Variants in GINM1 observed in about 807,000 individuals in gnomAD.
GINM1 encodes the protein glycoprotein integral membrane protein 1.
A neutral mutation model predicts 37.8 loss-of-function variants in GINM1; 29 were observed. The observed-to-expected ratio is 0.77, with a 90% CI of 0.57 to 1.05. The LOEUF (loss-of-function observed/expected upper bound fraction) is 1.05. Ranked by LOEUF, GINM1 falls within the 50% of genes least tolerant of loss-of-function variation. The probability of loss-of-function intolerance (pLI) is 0.00; values close to 1 mark genes in which losing one functional copy is unlikely to be tolerated. For missense variants in GINM1, 377 were observed against 397.9 expected (o/e 0.95, Z 0.45); for synonymous variants, 143 against 146.2 (o/e 0.98, Z 0.16).
In GINM1 at chr6:149,566,794, G is replaced by C. The variant is rs1207655205; in HGVS notation, c.120+260G>C. Among the ~76,000 whole-genome samples, 3 of 152,380 alleles carry C rather than the reference G, an allele frequency of 2.0e-5. No homozygotes were observed. Among genetic ancestry groups the C allele is most frequent in the African/African-American group, 7.2e-5 (3 of 41,602 alleles). ...ACCGACTCTCCGGCGGCCCAAGCCG[G>C]CGCGCGACCTGACGGGGCTTTGCCG... On this transcript the variant is annotated intron_variant, in intron 1 of 7. Coordinates refer to ENST00000367419, the MANE Select transcript of GINM1 (RefSeq NM_138785.5). This position sits in a 1 kb window ranked among gnomAD's most constrained non-coding sequence, Gnocchi z 4.4.
rs1414014199 is a variant in GINM1, at chr6:149,574,209, C to A, written c.277+1606C>A. Among the ~76,000 whole-genome samples, 3 of 152,082 alleles carry A rather than the reference C, an allele frequency of 2.0e-5. No homozygotes were observed. The East Asian group carries it at 5.8e-4, about 29-fold the overall frequency. On this transcript the variant is annotated intron_variant, in intron 3 of 7. Transcript: ENST00000367419. ...TGGATTACAGGTGCCCGCCACCATG[C>A]CCGGCTAATTTTTGTATTTTTAGTA...
chr6:149,583,905 C>T, intron 7 of GINM1, among the ~76,000 whole-genome samples: 1 of 151,958 alleles, frequency 6.6e-6, no homozygotes, highest in East Asian at 1.9e-4. Context: ...ATTTTTTAGT[C>T]AAAAATTATA....
At chr6:149,587,669 C>T (rs552609498) in intron 7 of GINM1, among the ~76,000 whole-genome samples, 1 of 152,308 alleles carries the variant, frequency 6.6e-6, no homozygotes, top group South Asian at 2.1e-4. Flanking sequence ...AGGTCCCATA[C>T]CTCTGTGTGT....
rs1777715402 is a variant in GINM1 at position 149,566,386 on chromosome 6, G to A, written c.-29G>A. On this transcript the variant is annotated 5_prime_UTR_variant, in exon 1 of 8. Transcript: ENST00000367419. The surrounding 1 kb of genome is among the most constrained non-coding windows in gnomAD (Gnocchi z 4.4). ...CCGGCTCCGCCCTCACCTCCCGGCC[G>A]CGGCTGCCCTCTGCCCGGGTTGTCC... is the stretch of plus-strand genomic sequence containing the variant. 1.4e-6 allele frequency: 2 copies of A among 1,426,930 alleles called. No homozygotes were observed. The highest frequency in any genetic ancestry group is 1.8e-6 in the Non-Finnish European group (2 of 1,086,382). The allele number at this position is 1,426,930 out of a possible 1,614,324, so 88.4% of individuals were successfully genotyped here. A position where few individuals can be genotyped will look rare whatever the true frequency, so the allele number is the denominator to read the frequency against.
At chr6:149,570,336 T>C (rs9505829) in intron 1 of GINM1, among the ~76,000 whole-genome samples, 13,560 of 151,460 alleles carry the variant, frequency 0.09, 2,095 homozygotes, top group African/African-American at 0.31. Flanking sequence ...ATTCTCTAGT[T>C]TGCAAAGGAG....
rs1433413325 is a variant in GINM1 at position 149,590,828 on chromosome 6, C to G, written c.983C>G (p.Thr328Arg). Residue 328 changes from threonine (T) to arginine (R), a missense_variant, in exon 8 of 8, where the codon ACA (threonine) becomes AGA (arginine). By Grantham distance (71) the Thr-to-Arg change is moderately conservative. Transcript: ENST00000367419. ...EKRAENLEDK[T>R]CI ...AGAGCTGAAAACCTTGAAGATAAAA[C>G]ATGTATTTAAAACGCCATCTCATAT... is the stretch of plus-strand genomic sequence containing the variant. 1.3e-6 allele frequency: 2 copies of G among 1,543,550 alleles called. No homozygotes were observed. The highest frequency in any genetic ancestry group is 4.5e-5 in the East Asian group (2 of 44,574).
Position 149,580,665 on chromosome 6 carries a change from T to A in GINM1, c.659T>A (p.Val220Asp). Reference sequence around the variant, plus strand: ...GTGGAAACCACTGTAGATGAAGATGTTTTACCTGGCAAGTTACCTGAAACT... The same window carrying A: ...GTGGAAACCACTGTAGATGAAGATGATTTACCTGGCAAGTTACCTGAAACT... Reference protein sequence around the residue: ...RNVETTVDEDVLPGKLPETPL... With the variant: ...RNVETTVDEDDLPGKLPETPL... The change falls in exon 6 of 8, where the codon GTT becomes GAT. Residue 220 changes from valine to aspartate, a missense_variant. Transcript: ENST00000367419. 1.2e-6 allele frequency: 2 copies of A among 1,613,776 alleles called. No homozygotes were observed. Among genetic ancestry groups the A allele is most frequent in the Admixed American group, 3.3e-5 (2 of 60,000 alleles).
chr6:149,571,628 G>A (rs918987577), intron 1 of GINM1, among the ~76,000 whole-genome samples: 1 of 152,036 alleles, frequency 6.6e-6, no homozygotes. Context: ...GATTCCTTCT[G>A]GGGGGATAGA....
intron 3 of GINM1, chr6:149,577,314 C>T (rs954401962): frequency 2.6e-5 from 4 of 152,234 alleles, no homozygotes; most frequent in African/African-American, 9.7e-5. Flanking sequence ...CGAAGGAGAC[C>T]CACGGGTGGT....
At chr6:149,571,878 CA>C (rs1159279389) in intron 1 of GINM1, among the ~76,000 whole-genome samples, 1 of 151,994 alleles carries the variant, frequency 6.6e-6, no homozygotes, top group Non-Finnish European at 1.5e-5. Context: ...ATCAGGAGTT[CA>C]AGACCATCCT....
At position 149,591,384 on chromosome 6, in the gene GINM1, G is replaced by T. The variant is rs980002194; in HGVS notation, c.*546G>T. ...ACTTAAAGTGGAAGAGAACACATGTGAAGAGACTTTGAAATTATCAAAAGA... is the reference window on the plus strand; with the variant it reads ...ACTTAAAGTGGAAGAGAACACATGTTAAGAGACTTTGAAATTATCAAAAGA... On this transcript the variant is annotated 3_prime_UTR_variant, in exon 8 of 8. Transcript: ENST00000367419. 6.6e-6 allele frequency: 1 copy of T among 151,718 alleles called. No individual in the cohort carries two copies. The highest frequency in any genetic ancestry group is 2.1e-4 in the South Asian group (1 of 4,814). 9.4% of individuals were successfully genotyped at this position (151,718 alleles called of 1,614,324 possible). A position where few individuals can be genotyped will look rare whatever the true frequency, so the allele number is the denominator to read the frequency against.
rs1191420045 is a variant in GINM1, at chr6:149,572,353, C to T, written c.180+9C>T. The T allele has an allele frequency of 5.1e-6, 8 of 1,570,512 alleles. No homozygotes were observed. The East Asian group carries it at 9.0e-5, about 18-fold the overall frequency. On this transcript the variant is annotated intron_variant, in intron 2 of 7. Transcript: ENST00000367419. ...ACATATCTAAACAGCAGGTTTGTCT[C>T]CTTTTCTGGTTTTAATATATAATTT...
rs1777726832 is a variant in GINM1, at chr6:149,566,838, G to C, written c.120+304G>C. On this transcript the variant is annotated intron_variant, in intron 1 of 7. Transcript: ENST00000367419. This position sits in a 1 kb window ranked among gnomAD's most constrained non-coding sequence, Gnocchi z 4.4. ...TTTGCCGTCGAAGCGCGCGGTTGCC[G>C]GTGATCAGGCCTTCGTAATGGCGCC... Among the ~76,000 whole-genome samples, 1 of 152,246 alleles carries C rather than the reference G, an allele frequency of 6.6e-6. No homozygotes were observed. The highest frequency in any genetic ancestry group is 2.1e-4 in the South Asian group (1 of 4,838).
Position 149,590,791 on chromosome 6 carries a change from G to A in GINM1, c.946G>A (p.Gly316Ser). ...PVTAINLYPDGPEKRAENLED... is the reference protein window; with the variant it reads ...PVTAINLYPDSPEKRAENLED... Reference sequence around the variant, plus strand: ...GACAGCTATCAACTTATATCCAGATGGTCCAGAGAAAAGAGCTGAAAACCT... The same window carrying A: ...GACAGCTATCAACTTATATCCAGATAGTCCAGAGAAAAGAGCTGAAAACCT... The change falls in exon 8 of 8, where the codon GGT (glycine) becomes AGT (serine). Residue 316 changes from glycine (G) to serine (S), a missense_variant. By Grantham distance (56) the Gly-to-Ser change is moderately conservative. Coordinates refer to ENST00000367419, the MANE Select transcript of GINM1 (RefSeq NM_138785.5). 1.2e-6 allele frequency: 2 copies of A among 1,604,916 alleles called. No individual in the cohort carries two copies. The highest frequency in any genetic ancestry group is 1.7e-6 in the Non-Finnish European group (2 of 1,172,254).
At chr6:149,579,509 G>A (rs993766571) in intron 4 of GINM1, among the ~76,000 whole-genome samples, 24 of 117,224 alleles carry the variant, frequency 2.0e-4, no homozygotes, top group African/African-American at 8.9e-4. Flanking sequence ...TGACCAACAT[G>A]GAGAAACTCC....
chr6:149,587,325 C>T (rs1582739093), intron 7 of GINM1, among the ~76,000 whole-genome samples: 1 of 152,282 alleles, frequency 6.6e-6, no homozygotes, highest in East Asian at 1.9e-4. Context: ...TCAGTTCTGA[C>T]ACTTTCCACC....
At chr6:149,589,153 TGCCCAGGCTGGACTCCTTGG>T (rs1410989587) in intron 7 of GINM1, among the ~76,000 whole-genome samples, 1 of 151,844 alleles carries the variant, frequency 6.6e-6, no homozygotes, top group Non-Finnish European at 1.5e-5. Context: ...CTCACTATGT[TGCCCAGGCTGGACTCCTTGG>T]GCCCAAGCAG....
intron 1 of GINM1, among the ~76,000 whole-genome samples, chr6:149,567,883 G>C (rs1327278396): frequency 6.6e-6 from 1 of 152,190 alleles, no homozygotes; most frequent in Non-Finnish European, 1.5e-5. Context: ...GTTCTAAAAA[G>C]TTCTGGAAAT....
At chr6:149,570,937 G>A (rs1777808897) in intron 1 of GINM1, among the ~76,000 whole-genome samples, 1 of 152,106 alleles carries the variant, frequency 6.6e-6, no homozygotes, top group South Asian at 2.1e-4. Flanking sequence ...CAATATTTGG[G>A]TATCCTGCTT....
Sources: allele counts gnomAD v4.1 joint callset (sites outside exome capture counted in the v4.1 genomes callset), GRCh38; gene constraint gnomAD v4.1.1; non-coding constraint Gnocchi (gnomAD v3.1); transcripts MANE v1.5; gene names NCBI Gene and HGNC (gene_info 2026-07-23, HGNC 2026-07-21).